MGAM2: variants seen among roughly 807,000 people sequenced by gnomAD.
MGAM2 encodes maltase-glucoamylase 2 (putative).
A neutral mutation model predicts 96.1 loss-of-function variants in MGAM2; 98 were observed. That is an observed-to-expected ratio of 1.02 (90% CI 0.87 to 1.21). The LOEUF (loss-of-function observed/expected upper bound fraction) is 1.21. MGAM2 is among the 50% of genes most tolerant of loss of function. MGAM2 has a pLI of 0.00. For synonymous variants in MGAM2, 749 were observed against 414.8 expected (o/e 1.81, Z -9.79); for missense variants, 2,055 against 1,182.4 (o/e 1.74, Z -10.82).
At chr7:142,115,087 T>C (rs1817343285) in intron 1 of MGAM2, among the ~76,000 whole-genome samples, 1 of 152,136 alleles carries the variant, frequency 6.6e-6, no homozygotes, top group African/African-American at 2.4e-5. Flanking sequence ...CGTAGTGGCA[T>C]GCACTTGTAG....
chr7:142,117,444 GTCTC>G (rs1003280967), intron 2 of MGAM2, among the ~76,000 whole-genome samples: 1 of 152,160 alleles, frequency 6.6e-6, no homozygotes, highest in African/African-American at 2.4e-5. Context: ...CTGTCTGTCT[GTCTC>G]TCTCTCAGGC....
At chr7:142,129,919 G>C (rs1794839024) in intron 3 of MGAM2, among the ~76,000 whole-genome samples, 1 of 124,040 alleles carries the variant, frequency 8.1e-6, no homozygotes, top group Non-Finnish European at 1.7e-5. Context: ...TTATTTTGCT[G>C]TTTTATAAAC....
intron 43 of MGAM2, 49 bp downstream of exon 43, chr7:142,198,244 G>T: frequency 1.4e-6 from 1 of 689,828 alleles, no homozygotes; most frequent in South Asian, 1.5e-5. Context: ...ATGCAGGGTG[G>T]AGAGGTGGAT....
intron 3 of MGAM2, among the ~76,000 whole-genome samples, chr7:142,123,117 C>T (rs945102900): frequency 2.0e-5 from 3 of 152,006 alleles, no homozygotes; most frequent in African/African-American, 7.2e-5. Flanking sequence ...CCACCGCGCC[C>T]GACCTCAAAA....
At chr7:142,126,681 T>C (rs193040184) in intron 3 of MGAM2, among the ~76,000 whole-genome samples, 3 of 152,250 alleles carry the variant, frequency 2.0e-5, no homozygotes, top group Admixed American at 2.0e-4. Flanking sequence ...TTCTTACTCA[T>C]TCTTTATATC....
At chr7:142,152,797 G>T (rs1314433958) in intron 15 of MGAM2, among the ~76,000 whole-genome samples, 1 of 151,950 alleles carries the variant, frequency 6.6e-6, no homozygotes, top group Non-Finnish European at 1.5e-5. Context: ...TGGAAGATGT[G>T]GGCTTTTTAC....
intron 14 of MGAM2, among the ~76,000 whole-genome samples, chr7:142,145,225 C>A (rs987564941): frequency 6.6e-6 from 1 of 152,276 alleles, no homozygotes; most frequent in South Asian, 2.1e-4. Context: ...CTGTTCATTT[C>A]CCCCAAATCC....
chr7:142,139,623 A>G (rs941649422), intron 10 of MGAM2, among the ~76,000 whole-genome samples: 11 of 149,986 alleles, frequency 7.3e-5, no homozygotes, highest in Non-Finnish European at 1.3e-4. Context: ...TCGCGCCACT[A>G]CACTCCAGCC....
At chr7:142,165,797 A>T (rs111655315) in intron 24 of MGAM2, among the ~76,000 whole-genome samples, 46 of 152,286 alleles carry the variant, frequency 3.0e-4, no homozygotes, top group African/African-American at 1.1e-3. Context: ...TATTGTTGTT[A>T]TTACTACTTT....
At chr7:142,113,617 G>C (rs1050661176) in intron 1 of MGAM2, among the ~76,000 whole-genome samples, 1 of 152,080 alleles carries the variant, frequency 6.6e-6, no homozygotes, top group Admixed American at 6.5e-5. Context: ...TGGGAGTGAG[G>C]TGTGGGGAGA....
intron 5 of MGAM2, 116 bp downstream of exon 5, chr7:142,131,743 G>T (rs1300693660): frequency 1.6e-6 from 1 of 623,760 alleles, no homozygotes; most frequent in Non-Finnish European, 2.9e-6. Context: ...TCTCTGGATG[G>T]CATGGGCAGG....
At chr7:142,194,372 A>G (rs1015766117) in intron 37 of MGAM2, among the ~76,000 whole-genome samples, 3 of 152,032 alleles carry the variant, frequency 2.0e-5, no homozygotes, top group African/African-American at 7.2e-5. Flanking sequence ...ACCAAGTTTA[A>G]CTAGTCATTA....
chr7:142,161,917 G>T, intron 22 of MGAM2, 38 bp from the exon 23 acceptor site: 1 of 665,318 alleles, frequency 1.5e-6, no homozygotes, highest in Non-Finnish European at 2.7e-6. Flanking sequence ...TGGCTGATTG[G>T]CTTCCCATAG....
In MGAM2 at chr7:142,120,856, T is replaced by A. The variant is rs557266774; in HGVS notation, c.186+475T>A. 3.3e-5 allele frequency among the ~76,000 whole-genome samples: 5 copies of A among 152,310 alleles called. No homozygotes were observed. The South Asian group carries it at 1.0e-3, about 32-fold the overall frequency. The stretch of plus-strand genomic sequence containing the variant: ...TACAAGAGCCCTCTGGATTATGTTA[T>A]TGGCAATAGAGGTCCCAATGGATAC... On this transcript the variant is annotated intron_variant, in intron 3 of 47. Transcript: ENST00000477922.
In MGAM2 at chr7:142,186,080, C is replaced by G. The variant is rs562633430; in HGVS notation, c.4079C>G (p.Pro1360Arg). Residue 1360 changes from proline (P) to arginine (R), a missense_variant, in exon 35 of 48, where the codon CCT becomes CGT. By Grantham distance (103) the Pro-to-Arg change is moderately radical (BLOSUM62 -2). Coordinates refer to ENST00000477922, the MANE Select transcript of MGAM2 (RefSeq NM_001293626.2). ...KKEIEELYAN[P>R]REPEKSLKFD... ...GAGATAGAAGAGCTCTATGCAAACC[C>G]TCGAGAGCCAGAGAAGAGCTTGAAG... The G allele has an allele frequency of 1.4e-6, 1 of 705,996 alleles. No individual in the cohort carries two copies. Among genetic ancestry groups the G allele is most frequent in the East Asian group, 2.7e-5 (1 of 37,266 alleles). The allele number at this position is 705,996 out of a possible 1,614,324, so 43.7% of individuals were successfully genotyped here.
chr7:142,154,514 C>T (rs909830137), intron 16 of MGAM2, among the ~76,000 whole-genome samples: 7 of 152,172 alleles, frequency 4.6e-5, no homozygotes, highest in Non-Finnish European at 7.3e-5. Context: ...GGAACAGCCT[C>T]AACACAAGGA....
At chr7:142,171,036 CA>C in intron 27 of MGAM2, 1 of 548,832 alleles carries the variant, frequency 1.8e-6, no homozygotes, top group South Asian at 2.0e-5. Flanking sequence ...CCCTTGCCCA[CA>C]AGGACCCAGA....
At chr7:142,147,317 G>T (rs1795416723) in intron 14 of MGAM2, 139 bp from the exon 15 acceptor site, 1 of 557,088 alleles carries the variant, frequency 1.8e-6, no homozygotes, top group Non-Finnish European at 3.2e-6. Context: ...ATTTAGGATA[G>T]AATTTAAAAT....
In MGAM2 at chr7:142,140,937, T is replaced by A. The variant is rs770265246; in HGVS notation, c.1218+4T>A. Reference sequence around the variant, plus strand: ...ACAGAAATATCTTATTATTATGGTATGTTCAAACACTTGTTACCTTATTTT... The same window carrying A: ...ACAGAAATATCTTATTATTATGGTAAGTTCAAACACTTGTTACCTTATTTT... On this transcript the variant is annotated splice_donor_region_variant and intron_variant, in intron 11 of 47. Coordinates refer to ENST00000477922, the MANE Select transcript of MGAM2 (RefSeq NM_001293626.2). The A allele has an allele frequency of 1.4e-6, 1 of 702,374 alleles. No homozygotes were observed. The highest frequency in any genetic ancestry group is 1.5e-5 in the South Asian group (1 of 67,362). The allele number at this position is 702,374 out of a possible 1,614,324, so 43.5% of individuals were successfully genotyped here.
Sources: gnomAD v4.1 joint callset for allele counts (sites outside exome capture counted in the v4.1 genomes callset) on GRCh38, gnomAD v4.1.1 for gene constraint, MANE v1.5 for transcripts, NCBI Gene and HGNC (gene_info 2026-07-23, HGNC 2026-07-21) for gene names.